Variants in SAMD12 observed in about 807,000 individuals in gnomAD.
SAMD12 encodes sterile alpha motif domain containing 12, also known as sterile alpha motif domain-containing protein 12.
Under a neutral mutation model 15.0 loss-of-function variants are expected in SAMD12, and 9 were observed. The ratio of observed to expected loss-of-function variants is 0.60; its 90% CI spans 0.36 to 1.05. The LOEUF is 1.05. SAMD12 is among the 50% of genes least tolerant of loss of function. The pLI is 0.01. For missense variants in SAMD12, 230 were observed against 234.2 expected (o/e 0.98, Z 0.12); for synonymous variants, 86 against 90.1 (o/e 0.96, Z 0.25).
At chr8:118,393,095 C>T (rs1413297202) in intron 3 of SAMD12, among the ~76,000 whole-genome samples, 1 of 152,184 alleles carries the variant, frequency 6.6e-6, no homozygotes, top group Non-Finnish European at 1.5e-5. Context: ...CTTTTCTACC[C>T]ACTGTCTCAA....
chr8:118,226,905 G>A (rs547960204), intron 4 of SAMD12, among the ~76,000 whole-genome samples: 2 of 152,252 alleles, frequency 1.3e-5, no homozygotes, highest in South Asian at 4.1e-4. Context: ...GGGTGTATAA[G>A]TAGAACATTC....
At chr8:118,506,033 C>G (rs1352807452) in intron 2 of SAMD12, among the ~76,000 whole-genome samples, 1 of 152,158 alleles carries the variant, frequency 6.6e-6, no homozygotes. Context: ...GCTTATTGCT[C>G]TAGTCTCTAA....
At chr8:118,280,645 GC>G (rs1431708804) in intron 4 of SAMD12, among the ~76,000 whole-genome samples, 2 of 152,092 alleles carry the variant, frequency 1.3e-5, no homozygotes, top group Non-Finnish European at 2.9e-5. Flanking sequence ...GCTCCAGGCA[GC>G]AGCAAAAGGG....
In SAMD12 at chr8:118,597,408, C is replaced by T. The variant is rs555688598; in HGVS notation, c.14-16515G>A. Among the ~76,000 whole-genome samples the T allele has an allele frequency of 6.6e-5, 10 of 152,362 alleles. No homozygotes were observed. The South Asian group carries it at 1.7e-3, about 25-fold the overall frequency. ...CAGGCTAAAGACAATAGTGACAAAA[C>T]TCTGGTAATGTCAGTGAGGATTTAG... is the stretch of plus-strand genomic sequence containing the variant. On this transcript the variant is annotated intron_variant, in intron 1 of 3. Coordinates refer to ENST00000314727, the MANE Select transcript of SAMD12 (RefSeq NM_207506.3).
At chr8:118,397,639 A>G (rs1820650367) in intron 3 of SAMD12, among the ~76,000 whole-genome samples, 2 of 152,176 alleles carry the variant, frequency 1.3e-5, no homozygotes, top group East Asian at 1.9e-4. Context: ...CATCATCAGT[A>G]TTATAATAAA....
At position 118,379,361 on chromosome 8, in the gene SAMD12, T is replaced by C. The variant is rs1819544884; in HGVS notation, c.*56A>G. On this transcript the variant is annotated 3_prime_UTR_variant, in exon 4 of 4. Coordinates refer to ENST00000314727, the MANE Select transcript of SAMD12 (RefSeq NM_207506.3). ...ATTCTGTTTGCTCATCCATTACTTA[T>C]TTGTGCATCCTTCTCCCTAGTGAGC... 7 of 1,572,108 alleles carry C rather than the reference T, an allele frequency of 4.5e-6. No homozygotes were observed. In the South Asian group the frequency reaches 5.9e-5, roughly 13 times the overall value.
rs1827272195 is a variant in SAMD12 at position 118,580,737 on chromosome 8, T to C, written c.170A>G (p.Gln57Arg). The C allele has an allele frequency of 6.2e-7, 1 of 1,612,868 alleles. No individual in the cohort carries two copies. The highest frequency in any genetic ancestry group is 1.3e-5 in the African/African-American group (1 of 74,808). Residue 57 changes from glutamine to arginine, a missense_variant, in exon 2 of 4, where the codon CAG (glutamine) becomes CGG (arginine). Gln to Arg is a conservative substitution (Grantham distance 43). Coordinates refer to ENST00000314727, the MANE Select transcript of SAMD12 (RefSeq NM_207506.3). Reference protein sequence around the residue: ...PDQKGTPKRLQAEAETAKSAT... With the variant: ...PDQKGTPKRLRAEAETAKSAT... ...CACCTTAGCCGTCTCAGCTTCTGCC[T>C]GCAGTCGCTTGGGAGTTCCTTTCTG...
chr8:118,192,412 C>A (rs941393263), exon 5 of SAMD12: 8 of 152,100 alleles, frequency 5.3e-5, no homozygotes, highest in African/African-American at 1.9e-4. Flanking sequence ...GGAAGGCAAC[C>A]AGCAGAGTCT....
intron 3 of SAMD12, among the ~76,000 whole-genome samples, chr8:118,407,192 G>A (rs1821175436): frequency 6.6e-6 from 1 of 152,020 alleles, no homozygotes; most frequent in Admixed American, 6.5e-5. Flanking sequence ...TTCAAGAATG[G>A]GACTGATGGA....
chr8:118,380,892 T>G (rs535497678), intron 3 of SAMD12, among the ~76,000 whole-genome samples: 1 of 152,318 alleles, frequency 6.6e-6, no homozygotes, highest in South Asian at 2.1e-4. Flanking sequence ...TCCAACATAT[T>G]AGTGGCTACA....
chr8:118,365,553 G>A (rs1818719906), intron 4 of SAMD12, among the ~76,000 whole-genome samples: 1 of 151,902 alleles, frequency 6.6e-6, no homozygotes, highest in African/African-American at 2.4e-5. Flanking sequence ...ACAGACTCTG[G>A]GACTTACACC....
At chr8:118,425,718 CA>C (rs1563852619) in intron 3 of SAMD12, among the ~76,000 whole-genome samples, 1 of 152,034 alleles carries the variant, frequency 6.6e-6, no homozygotes, top group Non-Finnish European at 1.5e-5. Context: ...AGAATAAAGA[CA>C]GGGGAAAAAA....
intron 2 of SAMD12, among the ~76,000 whole-genome samples, chr8:118,553,102 C>T (rs1826399180): frequency 6.6e-6 from 1 of 151,674 alleles, no homozygotes; most frequent in Non-Finnish European, 1.5e-5. Flanking sequence ...AATGGCCATA[C>T]TGCCCAAGGT....
chr8:118,264,194 A>G (rs1172257406), intron 4 of SAMD12, among the ~76,000 whole-genome samples: 1 of 152,038 alleles, frequency 6.6e-6, no homozygotes, highest in African/African-American at 2.4e-5. Context: ...TTGTATTGGC[A>G]TCTTTACCAC....
At chr8:118,218,475 A>C (rs1401583765) in intron 4 of SAMD12, among the ~76,000 whole-genome samples, 2 of 152,150 alleles carry the variant, frequency 1.3e-5, no homozygotes, top group Non-Finnish European at 2.9e-5. Context: ...AACAGATTTC[A>C]AAAACTTATT....
At chr8:118,176,575 A>G in the SAMD12 span, among the ~76,000 whole-genome samples, 1 of 152,160 alleles carries the variant, frequency 6.6e-6, no homozygotes, top group Non-Finnish European at 1.5e-5. Flanking sequence ...ACAAAACCAA[A>G]TACTGTATGT....
intron 4 of SAMD12, among the ~76,000 whole-genome samples, chr8:118,344,501 T>A (rs1333272116): frequency 6.6e-6 from 1 of 152,228 alleles, no homozygotes; most frequent in Admixed American, 6.5e-5. Context: ...GAGGCTAACA[T>A]GGCTAGTAAA....
intron 4 of SAMD12, among the ~76,000 whole-genome samples, chr8:118,313,658 A>T (rs892207713): frequency 5.9e-5 from 9 of 152,156 alleles, no homozygotes; most frequent in Admixed American, 5.2e-4. Flanking sequence ...CCAAGCAGAT[A>T]GTGGTGGCTG....
chr8:118,398,675 G>C (rs536245576), intron 3 of SAMD12, among the ~76,000 whole-genome samples: 1 of 152,102 alleles, frequency 6.6e-6, no homozygotes, highest in Non-Finnish European at 1.5e-5. Flanking sequence ...TGACAAAGTA[G>C]ATCAGTGGAA....
Sources: allele counts gnomAD v4.1 joint callset (sites outside exome capture counted in the v4.1 genomes callset), GRCh38; gene constraint gnomAD v4.1.1; transcripts MANE v1.5; gene names NCBI Gene and HGNC (gene_info 2026-07-23, HGNC 2026-07-21).